PRMT2: variants seen among roughly 807,000 people sequenced by gnomAD.
The protein encoded by PRMT2 is protein arginine N-methyltransferase 2.
A neutral mutation model predicts 57.6 loss-of-function variants in PRMT2; 26 were observed. The observed-to-expected ratio is 0.45, with a 90% CI of 0.33 to 0.63. PRMT2 has a LOEUF of 0.63. PRMT2 is among the 20% of genes least tolerant of loss of function. PRMT2 has a pLI of 0.02. For missense variants in PRMT2, 472 were observed against 564.4 expected (o/e 0.84, Z 1.66); for synonymous variants, 219 against 220.0 (o/e 1.00, Z 0.04).
In PRMT2 at chr21:46,664,502, T is replaced by G; in HGVS notation, c.*175T>G. On this transcript the variant is annotated 3_prime_UTR_variant, in exon 12 of 12. Coordinates refer to ENST00000355680, the MANE Select transcript of PRMT2 (RefSeq NM_206962.4). ...CAGGGTCCTTCACAGACAAACACGC[T>G]TGGGCTCGGCAGGAGCTGCCGTGGC... is the stretch of plus-strand genomic sequence containing the variant. The G allele has an allele frequency of 1.2e-6, 1 of 801,026 alleles. No individual in the cohort carries two copies. The highest frequency in any genetic ancestry group is 2.1e-6 in the Non-Finnish European group (1 of 487,260). The allele number at this position is 801,026 out of a possible 1,614,324, so 49.6% of individuals were successfully genotyped here.
At chr21:46,652,920 C>T (rs758442814) in intron 7 of PRMT2, 19 of 1,301,342 alleles carry the variant, frequency 1.5e-5, no homozygotes, top group Middle Eastern at 2.1e-4. Context: ...TCAGCAGTCT[C>T]CCACTAGCCA....
intron 3 of PRMT2, 53 bp downstream of exon 3, chr21:46,637,043 C>CATGT (rs1372512314): frequency 6.3e-7 from 1 of 1,585,010 alleles, no homozygotes; most frequent in Non-Finnish European, 8.7e-7. Flanking sequence ...GTGAGCATTA[C>CATGT]AGAGAGCTAA....
Position 46,648,627 on chromosome 21 carries a change from G to A in PRMT2, c.489+8G>A. On this transcript the variant is annotated splice_region_variant and intron_variant, in intron 6 of 11. Transcript: ENST00000355680. The surrounding 1 kb of genome is among the most constrained non-coding windows in gnomAD (Gnocchi z 4.8). Reference sequence around the variant, plus strand: ...TATGCGCGGCCTAGAGCGGTGAGTGGGGTCTCGAGCGCATCCCGGGTGTTT... The same window carrying A: ...TATGCGCGGCCTAGAGCGGTGAGTGAGGTCTCGAGCGCATCCCGGGTGTTT... 1 of 1,610,460 alleles carries A rather than the reference G, an allele frequency of 6.2e-7. No individual in the cohort carries two copies. The highest frequency in any genetic ancestry group is 8.5e-7 in the Non-Finnish European group (1 of 1,176,920).
At chr21:46,636,599 A>C (rs1403023255) in intron 2 of PRMT2, 52 bp downstream of exon 2, 1 of 228,876 alleles carries the variant, frequency 4.4e-6, no homozygotes, top group Non-Finnish European at 8.5e-6. Flanking sequence ...GAAATTAATG[A>C]ATACTGATTT....
At position 46,636,910 on chromosome 21, in the gene PRMT2, A is replaced by G. The variant is rs751987583; in HGVS notation, c.-42A>G. The G allele has an allele frequency of 5.0e-6, 8 of 1,592,616 alleles. No individual in the cohort carries two copies. The highest frequency in any genetic ancestry group is 6.8e-6 in the Non-Finnish European group (8 of 1,168,942). ...TTTAAAAGTAGAAATGGAAAAGAAAATGAAATAAATCAGCAGTTATGAGGC... is the reference window on the plus strand; with the variant it reads ...TTTAAAAGTAGAAATGGAAAAGAAAGTGAAATAAATCAGCAGTTATGAGGC... On this transcript the variant is annotated 5_prime_UTR_variant, in exon 3 of 12. An upstream start codon of the reference 5' UTR is lost. Transcript: ENST00000355680.
chr21:46,635,962 TGCGTGCCGCACCCCTTCCCG>T (rs372860391), intron 1 of PRMT2, 199 bp downstream of exon 1: 9,218 of 152,696 alleles, frequency 0.06, 340 homozygotes, highest in Middle Eastern at 0.11. Context: ...CACCCTTCCC[TGCGTGCCGCACCCCTTCCCG>T]GCCACTCCCG....
At chr21:46,652,225 A>T in intron 7 of PRMT2, 1 of 1,377,830 alleles carries the variant, frequency 7.3e-7, no homozygotes, top group African/African-American at 1.4e-5. Context: ...GAAACAAAAA[A>T]ATTGCTACAA....
chr21:46,637,810 A>T (rs977469133), intron 3 of PRMT2, among the ~76,000 whole-genome samples: 15 of 152,004 alleles, frequency 9.9e-5, no homozygotes, highest in Admixed American at 3.3e-4. Flanking sequence ...TGTATATGTA[A>T]AAAATACTGT....
In PRMT2 at chr21:46,661,838, G is replaced by A. The variant is rs778395284; in HGVS notation, c.999G>A (p.Ala333=). 1 of 1,506,516 alleles carries A rather than the reference G, an allele frequency of 6.6e-7. No homozygotes were observed. The highest frequency in any genetic ancestry group is 2.6e-5 in the East Asian group (1 of 38,530). The allele number at this position is 1,506,516 out of a possible 1,614,324, so 93.3% of individuals were successfully genotyped here. Residue 333 remains alanine, a synonymous_variant, in exon 10 of 12, where the codon GCG becomes GCA. Coordinates refer to ENST00000355680, the MANE Select transcript of PRMT2 (RefSeq NM_206962.4). Reference sequence around the variant, plus strand: ...AGCTGCGCTTCGACATCAGGAAGGCGGGGACCCTGCACGGCTTCACGGCCT... The same window carrying A: ...AGCTGCGCTTCGACATCAGGAAGGCAGGGACCCTGCACGGCTTCACGGCCT... The part of the protein sequence containing the change: ...RGELRFDIRK[A]GTLHGFTAWF...
Position 46,653,696 on chromosome 21 carries a change from C to CTAG in PRMT2, c.654+3959_654+3961dup, listed in dbSNP as rs905567291. The CTAG allele has an allele frequency of 7.2e-6, 9 of 1,257,392 alleles. No individual in the cohort carries two copies. The African/African-American group carries it at 1.3e-4, about 18-fold the overall frequency. 77.9% of individuals were successfully genotyped at this position (1,257,392 alleles called of 1,614,324 possible). ...TAGATCATTTTACTTTTCAGAGGTG[C>CTAG]TAGTTCTGGTGCCCACACGCACACA... On this transcript the variant is annotated intron_variant, in intron 7 of 11. Coordinates refer to ENST00000355680, the MANE Select transcript of PRMT2 (RefSeq NM_206962.4).
chr21:46,643,771 G>A, intron 4 of PRMT2, 132 bp downstream of exon 4: 1 of 1,158,058 alleles, frequency 8.6e-7, no homozygotes, highest in African/African-American at 1.6e-5. Context: ...CAAGACCTGT[G>A]TGTGAAGCTC....
rs1601934467 is a variant in PRMT2 at position 46,649,510 on chromosome 21, C to T, written c.490-65C>T. ...ATTTCTCGTGATGCTGGTTGTGACT[C>T]AGGAGAGTAGATGACGGGCCGTGTG... On this transcript the variant is annotated intron_variant, in intron 6 of 11. Transcript: ENST00000355680. The surrounding 1 kb of genome is among the most constrained non-coding windows in gnomAD (Gnocchi z 4.8). The T allele has an allele frequency of 3.7e-6, 6 of 1,609,968 alleles. No homozygotes were observed. Among genetic ancestry groups the T allele is most frequent in the Non-Finnish European group, 5.1e-6 (6 of 1,177,470 alleles).
Position 46,664,991 on chromosome 21 carries a change from A to G in PRMT2, c.*664A>G, listed in dbSNP as rs1166792228. On this transcript the variant is annotated 3_prime_UTR_variant, in exon 12 of 12. Coordinates refer to ENST00000355680, the MANE Select transcript of PRMT2 (RefSeq NM_206962.4). ...TTATGCATATATGTTATTTTTTGTA[A>G]TTACAGGATCATACTATATGCATTG... 1 of 152,382 alleles carries G rather than the reference A, an allele frequency of 6.6e-6. No homozygotes were observed. The highest frequency in any genetic ancestry group is 1.5e-5 in the Non-Finnish European group (1 of 68,198). 9.4% of individuals were successfully genotyped at this position (152,382 alleles called of 1,614,324 possible).
rs554250851 is a variant in PRMT2, at chr21:46,648,234, A to G, written c.328-224A>G. 1 of 481,838 alleles carries G rather than the reference A, an allele frequency of 2.1e-6. No homozygotes were observed. Among genetic ancestry groups the G allele is most frequent in the Non-Finnish European group, 3.7e-6 (1 of 267,568 alleles). 29.8% of individuals were successfully genotyped at this position (481,838 alleles called of 1,614,324 possible). On this transcript the variant is annotated intron_variant, in intron 5 of 11. Coordinates refer to ENST00000355680, the MANE Select transcript of PRMT2 (RefSeq NM_206962.4). The surrounding 1 kb of genome is among the most constrained non-coding windows in gnomAD (Gnocchi z 4.8). ...CACCTTTCTTGTTAAATTTGTTCCT[A>G]GGTATTTTTTGTGTATTATTACTGT...
intron 5 of PRMT2, among the ~76,000 whole-genome samples, chr21:46,644,848 T>C (rs957603139): frequency 6.6e-6 from 1 of 152,144 alleles, no homozygotes; most frequent in African/African-American, 2.4e-5. Flanking sequence ...CATGGCTTAG[T>C]TTGCCGACCC....
chr21:46,655,003 A>C, intron 7 of PRMT2: 1 of 715,136 alleles, frequency 1.4e-6, no homozygotes, highest in Non-Finnish European at 1.7e-6. Flanking sequence ...GCAAATTACC[A>C]CAGTTCATCT....
At chr21:46,659,360 T>C (rs944821388) in intron 8 of PRMT2, 1 of 987,164 alleles carries the variant, frequency 1.0e-6, no homozygotes, top group African/African-American at 1.7e-5. Flanking sequence ...GACCCTGGGC[T>C]AGATAGAATC....
At chr21:46,651,737 TGAGG>T (rs940315343) in intron 7 of PRMT2, 7 of 1,556,812 alleles carry the variant, frequency 4.5e-6, no homozygotes, top group Non-Finnish European at 3.5e-6. Context: ...TGGTCGGATT[TGAGG>T]GAGGGAGGGT....
intron 8 of PRMT2, 71 bp downstream of exon 8, chr21:46,658,991 G>A (rs1222944890): frequency 6.5e-7 from 1 of 1,540,480 alleles, no homozygotes; most frequent in African/African-American, 1.4e-5. Context: ...GGTGGGCCAA[G>A]GCCCTGGGAG....
Sources: allele counts gnomAD v4.1 joint callset (sites outside exome capture counted in the v4.1 genomes callset), GRCh38; gene constraint gnomAD v4.1.1; non-coding constraint Gnocchi (gnomAD v3.1); transcripts MANE v1.5; gene names NCBI Gene and HGNC (gene_info 2026-07-23, HGNC 2026-07-21).